WNT2B: variants seen among roughly 807,000 people sequenced by gnomAD.
WNT2B encodes protein Wnt-2b.
WNT2B carries 19 observed loss-of-function variants against 40.5 expected under a neutral mutation model. That is an observed-to-expected ratio of 0.47 (90% confidence interval 0.33 to 0.69). The LOEUF (loss-of-function observed/expected upper bound fraction) is 0.69, where lower values mean the gene tolerates loss of function less well. WNT2B is among the 30% of genes least tolerant of loss of function. The probability of loss-of-function intolerance (pLI) is 0.02; values close to 1 mark genes in which losing one functional copy is unlikely to be tolerated. For synonymous variants in WNT2B, 220 were observed against 211.9 expected (o/e 1.04, Z -0.33); for missense variants, 467 against 556.4 (o/e 0.84, Z 1.62).
chr1:112,484,574 G>C (rs2101059200), intron 1 of WNT2B, among the ~76,000 whole-genome samples: 1 of 151,160 alleles, frequency 6.6e-6, no homozygotes, highest in Admixed American at 6.6e-5. Flanking sequence ...ACTGTGCCTG[G>C]CCCCCAAAAT....
At chr1:112,493,980 A>G (rs1165070796) in intron 1 of WNT2B, among the ~76,000 whole-genome samples, 4 of 151,962 alleles carry the variant, frequency 2.6e-5, no homozygotes, top group Non-Finnish European at 5.9e-5. Context: ...CAGCGATGAG[A>G]AAAAAACCCT....
At chr1:112,510,741 A>AG (rs966986733) in intron 1 of WNT2B, among the ~76,000 whole-genome samples, 7 of 148,486 alleles carry the variant, frequency 4.7e-5, no homozygotes, top group African/African-American at 1.7e-4. Context: ...GAAGGCAAGG[A>AG]GGGGGGGTTC....
At chr1:112,470,715 C>G (rs920835308) in intron 1 of WNT2B, among the ~76,000 whole-genome samples, 3 of 152,184 alleles carry the variant, frequency 2.0e-5, no homozygotes, top group African/African-American at 7.2e-5. Flanking sequence ...TGCCCAGGCC[C>G]CAGACAGTCA....
intron 1 of WNT2B, among the ~76,000 whole-genome samples, chr1:112,503,936 A>C (rs751960859): frequency 1.3e-5 from 2 of 152,210 alleles, no homozygotes; most frequent in Non-Finnish European, 2.9e-5. Context: ...AGGAAGGCAG[A>C]GTGGGAGGGA....
At chr1:112,516,467 A>G in intron 3 of WNT2B, 50 bp downstream of exon 3, 1 of 1,568,968 alleles carries the variant, frequency 6.4e-7, no homozygotes, top group Non-Finnish European at 8.7e-7. Flanking sequence ...GGGGGTGACC[A>G]GTGTGTGTGA....
In WNT2B at chr1:112,510,050, A is replaced by T. The variant is rs1210235720; in HGVS notation, c.182+606A>T. Among the ~76,000 whole-genome samples, 8 of 152,250 alleles carry T rather than the reference A, an allele frequency of 5.3e-5. No individual in the cohort carries two copies. In the East Asian group the frequency reaches 1.5e-3, roughly 29 times the overall value. ...CACCGTTTTGAGGATGTCACTTAGGAAACTTTGCCTCCCTCCCTTCTTCCT... is the reference window on the plus strand; with the variant it reads ...CACCGTTTTGAGGATGTCACTTAGGTAACTTTGCCTCCCTCCCTTCTTCCT... On this transcript the variant is annotated intron_variant, in intron 1 of 4. Coordinates refer to ENST00000369684, the MANE Select transcript of WNT2B (RefSeq NM_024494.3).
chr1:112,508,396 T>A (rs1652196240), upstream of WNT2B, among the ~76,000 whole-genome samples: 1 of 149,646 alleles, frequency 6.7e-6, no homozygotes. This position sits in a 1 kb window ranked among gnomAD's most constrained non-coding sequence, Gnocchi z 4.2. Context: ...GGGTGGGGGG[T>A]GCAGTGGCTC....
chr1:112,470,154 A>G (rs757200747), intron 1 of WNT2B, among the ~76,000 whole-genome samples: 12 of 152,202 alleles, frequency 7.9e-5, no homozygotes, highest in Non-Finnish European at 1.5e-4. Flanking sequence ...CATTTCTTGT[A>G]GGACAGGTCT....
chr1:112,521,326 T>TTTTTTC lies in WNT2B; in HGVS notation c.*822_*827dup, dbSNP rs1375473715. 6.6e-6 allele frequency: 1 copy of TTTTTTC among 150,982 alleles called. No individual in the cohort carries two copies. Among genetic ancestry groups the TTTTTTC allele is most frequent in the Non-Finnish European group, 1.5e-5 (1 of 67,836 alleles). The allele number at this position is 150,982 out of a possible 1,614,324, so 9.4% of individuals were successfully genotyped here. A position where few individuals can be genotyped will look rare whatever the true frequency, so the allele number is the denominator to read the frequency against. On this transcript the variant is annotated 3_prime_UTR_variant, in exon 5 of 5. Transcript: ENST00000369684. ...CTTGTGTTGCCTTTTTTTTTTTTTTTTTTTTCTTTTCTTTTCTTCTCTTCC... is the reference window on the plus strand; with the variant it reads ...CTTGTGTTGCCTTTTTTTTTTTTTTTTTTTTCTTTTTCTTTTCTTTTCTTCTCTTCC...
intron 1 of WNT2B, among the ~76,000 whole-genome samples, chr1:112,476,986 C>G (rs1031921157): frequency 1.3e-5 from 2 of 152,156 alleles, no homozygotes; most frequent in Non-Finnish European, 2.9e-5. Context: ...AACCAAGCAT[C>G]AAATACCAGC....
intron 1 of WNT2B, among the ~76,000 whole-genome samples, chr1:112,494,461 T>G (rs967543951): frequency 2.0e-5 from 3 of 151,440 alleles, no homozygotes; most frequent in African/African-American, 7.4e-5. Flanking sequence ...CATGACCTCC[T>G]GGGCTCCAGC....
chr1:112,517,076 T>C (rs761226170), intron 3 of WNT2B, 45 bp from the exon 4 acceptor site: 2 of 1,586,318 alleles, frequency 1.3e-6, no homozygotes, highest in African/African-American at 2.7e-5. Flanking sequence ...CTAAAATGTG[T>C]CCTGACCAGC....
chr1:112,470,310 GGGGTGC>G (rs1480938905), intron 1 of WNT2B, among the ~76,000 whole-genome samples: 1 of 152,002 alleles, frequency 6.6e-6, no homozygotes, highest in Non-Finnish European at 1.5e-5. Context: ...CACTCTCAGC[GGGGTGC>G]GATGGCTCAC....
chr1:112,523,349 A>G lies in WNT2B; in HGVS notation c.*2840A>G, dbSNP rs1468228643. 1.3e-5 allele frequency: 2 copies of G among 152,256 alleles called. No individual in the cohort carries two copies. The highest frequency in any genetic ancestry group is 2.4e-5 in the African/African-American group (1 of 41,454). The allele number at this position is 152,256 out of a possible 1,614,324, so 9.4% of individuals were successfully genotyped here. ...GTGAGAAGTTTGAAAAGAGAGGTGC[A>G]TAAGAGAGAAATGATGTCCATTTGA... On this transcript the variant is annotated 3_prime_UTR_variant, in exon 5 of 5. Transcript: ENST00000369684.
intron 1 of WNT2B, among the ~76,000 whole-genome samples, chr1:112,472,119 G>T (rs913921887): frequency 6.6e-6 from 1 of 152,134 alleles, no homozygotes; most frequent in African/African-American, 2.4e-5. Flanking sequence ...AGACAACAAA[G>T]GACACAGATG....
intron 1 of WNT2B, among the ~76,000 whole-genome samples, chr1:112,493,940 C>T: frequency 7.2e-6 from 1 of 138,876 alleles, no homozygotes; most frequent in African/African-American, 2.8e-5. Context: ...AAATCTAAGA[C>T]AAAAAAAAAA....
Position 112,509,366 on chromosome 1 carries a change from C to T in WNT2B, c.104C>T (p.Ala35Val), listed in dbSNP as rs1442884228. 1.3e-6 allele frequency: 2 copies of T among 1,595,792 alleles called. No individual in the cohort carries two copies. The highest frequency in any genetic ancestry group is 8.5e-7 in the Non-Finnish European group (1 of 1,177,372). Residue 35 changes from alanine to valine, a missense_variant, in exon 1 of 5, where the codon GCT becomes GTT. By Grantham distance (64) the Ala-to-Val change is moderately conservative. This residue lies in a region of WNT2B where 137 missense variants were observed against 117.7 expected (regional missense o/e 1.16). Coordinates refer to ENST00000369684, the MANE Select transcript of WNT2B (RefSeq NM_024494.3). The surrounding 1 kb of genome is among the most constrained non-coding windows in gnomAD (Gnocchi z 4.2). ...PSPAAPDGSR[A>V]SARLGLACLL... ...CCCGCGGCCCCCGACGGCTCCCGGG[C>T]TTCGGCCCGCCTAGGTCTTGCCTGC...
Position 112,517,348 on chromosome 1 carries a change from C to T in WNT2B, c.909C>T (p.Asp303=), listed in dbSNP as rs1387787190. The T allele has an allele frequency of 1.2e-6, 2 of 1,612,132 alleles. No homozygotes were observed. The highest frequency in any genetic ancestry group is 2.2e-5 in the East Asian group (1 of 44,824). Residue 303 remains aspartate (D), a synonymous_variant, in exon 4 of 5, where the codon GAC becomes GAT. Transcript: ENST00000369684. ...CCCGGACTGATCTTGTCTACTTTGA[C>T]AACTCTCCAGATTACTGTGTCTTGG... ...RATRTDLVYF[D]NSPDYCVLDK... is the part of the protein sequence containing the mutation.
intron 1 of WNT2B, among the ~76,000 whole-genome samples, chr1:112,486,291 T>G (rs545631511): frequency 2.0e-5 from 3 of 152,118 alleles, no homozygotes; most frequent in African/African-American, 7.2e-5. Context: ...AAAAAATTTT[T>G]AATTAGTTGG....
Sources: gnomAD v4.1 joint callset for allele counts (sites outside exome capture counted in the v4.1 genomes callset) on GRCh38, gnomAD v4.1.1 for gene constraint, gnomAD v4.1.1 regional missense constraint, Gnocchi (gnomAD v3.1) non-coding constraint, MANE v1.5 for transcripts, NCBI Gene and HGNC (gene_info 2026-07-23, HGNC 2026-07-21) for gene names.